The following ERBB4 variants were observed in gnomAD, a reference collection of about 807,000 sequenced individuals.
ERBB4 encodes the protein receptor tyrosine-protein kinase erbB-4.
Under a neutral mutation model 158.0 loss-of-function variants are expected in ERBB4, and 42 were observed. That is an observed-to-expected ratio of 0.27 (90% CI 0.21 to 0.34). The LOEUF (loss-of-function observed/expected upper bound fraction) is 0.34. ERBB4 is among the 10% of genes least tolerant of loss of function. ERBB4 has a pLI of 1.00. For synonymous variants in ERBB4, 583 were observed against 558.7 expected (o/e 1.04, Z -0.61); for missense variants, 1,333 against 1,624.1 (o/e 0.82, Z 3.08).
chr2:211,699,198 C>T (rs1412168887), intron 12 of ERBB4, among the ~76,000 whole-genome samples: 2 of 151,976 alleles, frequency 1.3e-5, no homozygotes, highest in African/African-American at 2.4e-5. Flanking sequence ...TGTGTATGCA[C>T]GGATATGTTT....
chr2:211,790,241 G>C (rs947451244), intron 3 of ERBB4, among the ~76,000 whole-genome samples: 4 of 151,890 alleles, frequency 2.6e-5, no homozygotes, highest in Non-Finnish European at 5.9e-5. Flanking sequence ...TTTCCATTAG[G>C]TGACAAAGAA....
At chr2:211,726,036 T>G (rs2074254146) in intron 5 of ERBB4, among the ~76,000 whole-genome samples, 2 of 152,332 alleles carry the variant, frequency 1.3e-5, no homozygotes, top group South Asian at 4.1e-4. Context: ...GACACAATTC[T>G]GCTTATCTCA....
intron 2 of ERBB4, among the ~76,000 whole-genome samples, chr2:211,983,924 A>G (rs931641673): frequency 1.3e-5 from 2 of 152,228 alleles, no homozygotes; most frequent in Non-Finnish European, 2.9e-5. Context: ...TTATTGATCT[A>G]TAATATACAT....
chr2:212,332,808 T>C (rs1417373834), intron 1 of ERBB4, among the ~76,000 whole-genome samples: 1 of 152,054 alleles, frequency 6.6e-6, no homozygotes, highest in East Asian at 1.9e-4. Context: ...GCTATTTGGA[T>C]TTCTTTATGG....
intron 1 of ERBB4, among the ~76,000 whole-genome samples, chr2:212,336,590 A>T (rs2088452391): frequency 6.6e-6 from 1 of 152,068 alleles, no homozygotes; most frequent in South Asian, 2.1e-4. Flanking sequence ...GATAGCCCGA[A>T]ATCACAGACA....
intron 19 of ERBB4, among the ~76,000 whole-genome samples, chr2:211,588,687 T>C (rs930290390): frequency 3.9e-5 from 6 of 152,228 alleles, no homozygotes; most frequent in African/African-American, 1.4e-4. Flanking sequence ...AGCTAGTAAG[T>C]AGTGGAGCTG....
intron 2 of ERBB4, among the ~76,000 whole-genome samples, chr2:212,067,345 T>C (rs1341775518): frequency 1.3e-5 from 2 of 151,946 alleles, no homozygotes; most frequent in African/African-American, 2.4e-5. Context: ...ATGAGAGTGA[T>C]GATAGAGAAA....
intron 25 of ERBB4, among the ~76,000 whole-genome samples, chr2:211,396,332 T>G (rs1227907470): frequency 1.3e-5 from 2 of 152,180 alleles, no homozygotes; most frequent in African/African-American, 4.8e-5. Flanking sequence ...TTGTTTTTCT[T>G]ATGTTTCACA....
chr2:211,969,942 T>C (rs1346036386), intron 2 of ERBB4, among the ~76,000 whole-genome samples: 2 of 152,104 alleles, frequency 1.3e-5, no homozygotes, highest in Non-Finnish European at 1.5e-5. Context: ...TTGGGATTTC[T>C]TTGCTCTTGG....
intron 20 of ERBB4, among the ~76,000 whole-genome samples, chr2:211,533,483 T>C (rs1214876863): frequency 6.6e-6 from 1 of 152,038 alleles, no homozygotes; most frequent in Admixed American, 6.6e-5. Context: ...ATTTTGGAAA[T>C]GAAAAACTGT....
chr2:212,292,217 A>G (rs1329570224), intron 1 of ERBB4, among the ~76,000 whole-genome samples: 1 of 151,984 alleles, frequency 6.6e-6, no homozygotes, highest in East Asian at 1.9e-4. Flanking sequence ...AGATTTTTGT[A>G]TATGTTTTTA....
intron 2 of ERBB4, among the ~76,000 whole-genome samples, chr2:212,077,143 G>A (rs1352038266): frequency 1.3e-5 from 2 of 151,900 alleles, no homozygotes; most frequent in South Asian, 2.1e-4. Context: ...ATAAAACCAA[G>A]TTAGCAAAGA....
rs58052666 is a variant in ERBB4, at chr2:211,500,116, T to G, written c.2487+61787A>C. Among the ~76,000 whole-genome samples, 1,133 of 152,228 alleles carry G rather than the reference T, an allele frequency of 7.4e-3. 16 individuals are homozygous for G. Among genetic ancestry groups the G allele is most frequent in the African/African-American group, 0.026 (1,093 of 41,552 alleles). The stretch of plus-strand genomic sequence containing the variant: ...AATGGTCTTTGAAAATATTTAGGAT[T>G]TATTTTCTGTATCTGGTCATGGTAC... On this transcript the variant is annotated intron_variant, in intron 20 of 27. Transcript: ENST00000342788.
In ERBB4 at chr2:211,988,409, A is replaced by T. The variant is rs2081990604; in HGVS notation, c.235-40793T>A. Among the ~76,000 whole-genome samples, 3 of 152,150 alleles carry T rather than the reference A, an allele frequency of 2.0e-5. No homozygotes were observed. In the South Asian group the frequency reaches 6.2e-4, roughly 32 times the overall value. ...GCTGTAAAGGGTAAAATGATATAAG[A>T]AACATTAGCAGCAGTACAGTGTCTG... On this transcript the variant is annotated intron_variant, in intron 2 of 27. Coordinates refer to ENST00000342788, the MANE Select transcript of ERBB4 (RefSeq NM_005235.3).
intron 4 of ERBB4, among the ~76,000 whole-genome samples, chr2:211,774,712 A>G (rs74736687): frequency 0.15 from 22,186 of 152,078 alleles, 1,797 homozygotes; most frequent in South Asian, 0.33. Flanking sequence ...AAGATTTGCC[A>G]ATTTCCTTTT....
chr2:212,332,726 G>A (rs1256876775), intron 1 of ERBB4, among the ~76,000 whole-genome samples: 2 of 151,938 alleles, frequency 1.3e-5, no homozygotes, highest in Non-Finnish European at 2.9e-5. Flanking sequence ...TCCAAAGATT[G>A]GTGGTCTTTT....
At chr2:211,868,938 T>A (rs1263906376) in intron 3 of ERBB4, among the ~76,000 whole-genome samples, 1 of 152,216 alleles carries the variant, frequency 6.6e-6, no homozygotes, top group African/African-American at 2.4e-5. Flanking sequence ...CTCCTAACCA[T>A]GATGCTTGTC....
intron 20 of ERBB4, among the ~76,000 whole-genome samples, chr2:211,529,453 C>G (rs1190310337): frequency 6.6e-6 from 1 of 152,112 alleles, no homozygotes; most frequent in East Asian, 1.9e-4. Context: ...CCTATTCAAA[C>G]TATTCCAAAA....
At chr2:211,688,220 C>T (rs1264587021) in intron 12 of ERBB4, among the ~76,000 whole-genome samples, 1 of 152,136 alleles carries the variant, frequency 6.6e-6, no homozygotes, top group East Asian at 1.9e-4. Flanking sequence ...TCCACATTTC[C>T]ATCTGGTATT....
Sources: allele counts gnomAD v4.1 joint callset (sites outside exome capture counted in the v4.1 genomes callset), GRCh38; gene constraint gnomAD v4.1.1; transcripts MANE v1.5; gene names NCBI Gene and HGNC (gene_info 2026-07-23, HGNC 2026-07-21).